Variants in LPP observed in about 807,000 individuals in gnomAD.
The protein encoded by LPP is lipoma-preferred partner.
Under a neutral mutation model 60.4 loss-of-function variants are expected in LPP, and 38 were observed. That is an observed-to-expected ratio of 0.63 (90% CI 0.49 to 0.83). LPP has a LOEUF of 0.83. Ranked by LOEUF, LPP falls within the 40% of genes least tolerant of loss-of-function variation. The pLI, the probability that LPP is intolerant of heterozygous loss-of-function variation, is 0.00. For missense variants in LPP, 902 were observed against 783.6 expected (o/e 1.15, Z -1.80); for synonymous variants, 328 against 290.8 (o/e 1.13, Z -1.30).
chr3:188,361,545 C>CCCTCCCCTCT (rs1769379609), intron 3 of LPP, among the ~76,000 whole-genome samples: 9 of 64,680 alleles, frequency 1.4e-4, no homozygotes, highest in Non-Finnish European at 2.3e-4. Flanking sequence ...TCCTCTCCTC[C>CCCTCCCCTCT]CCTCTCCTCT....
At chr3:188,206,123 G>A (rs1733138888) in intron 1 of LPP, among the ~76,000 whole-genome samples, 1 of 152,112 alleles carries the variant, frequency 6.6e-6, no homozygotes, top group African/African-American at 2.4e-5. Flanking sequence ...TTACCCCTGG[G>A]CCACTTTGTT....
chr3:188,248,036 G>C (rs560534176), intron 2 of LPP, among the ~76,000 whole-genome samples: 1 of 152,052 alleles, frequency 6.6e-6, no homozygotes, highest in Non-Finnish European at 1.5e-5. Flanking sequence ...TAAAGCTCCC[G>C]AGAGTTTAGA....
intron 7 of LPP, among the ~76,000 whole-genome samples, chr3:188,630,201 G>T (rs1458395496): frequency 6.6e-6 from 1 of 152,096 alleles, no homozygotes; most frequent in Non-Finnish European, 1.5e-5. Context: ...TAGAAAGAGA[G>T]AAAATATTTG....
chr3:188,435,022 C>G (rs558569652), intron 4 of LPP, among the ~76,000 whole-genome samples: 1 of 152,000 alleles, frequency 6.6e-6, no homozygotes, highest in Non-Finnish European at 1.5e-5. Flanking sequence ...GTATACCATG[C>G]GCACATATAA....
At chr3:188,451,784 CAG>C (rs1796640464) in intron 4 of LPP, among the ~76,000 whole-genome samples, 1 of 152,112 alleles carries the variant, frequency 6.6e-6, no homozygotes, top group African/African-American at 2.4e-5. Context: ...AATATTCAGA[CAG>C]AGAGAATAAT....
intron 7 of LPP, among the ~76,000 whole-genome samples, chr3:188,668,619 C>G (rs922497527): frequency 5.9e-5 from 9 of 152,214 alleles, no homozygotes; most frequent in Non-Finnish European, 1.2e-4. Context: ...GTTAGATCCT[C>G]AGGCTTCTCT....
chr3:188,273,826 C>T (rs1021953096), intron 2 of LPP, among the ~76,000 whole-genome samples: 6 of 151,944 alleles, frequency 3.9e-5, no homozygotes, highest in African/African-American at 1.2e-4. Context: ...AAACTCTTGA[C>T]CTCAGGTGAT....
At chr3:188,789,213 C>A (rs889641826) in intron 9 of LPP, among the ~76,000 whole-genome samples, 2 of 152,084 alleles carry the variant, frequency 1.3e-5, no homozygotes, top group African/African-American at 4.8e-5. Flanking sequence ...ACCTTTACTG[C>A]ACTGGGAAAC....
chr3:188,797,049 G>C (rs1345030861), intron 9 of LPP, among the ~76,000 whole-genome samples: 1 of 151,976 alleles, frequency 6.6e-6, no homozygotes, highest in African/African-American at 2.4e-5. Flanking sequence ...ACAACAAATT[G>C]GTTGGTTTTA....
intron 4 of LPP, among the ~76,000 whole-genome samples, chr3:188,434,331 A>C (rs969226167): frequency 6.6e-6 from 1 of 152,124 alleles, no homozygotes; most frequent in Non-Finnish European, 1.5e-5. Context: ...TTTCATATAT[A>C]GGCTCTTTAT....
intron 7 of LPP, among the ~76,000 whole-genome samples, chr3:188,673,563 A>AG (rs1303766725): frequency 3.3e-5 from 5 of 152,086 alleles, no homozygotes; most frequent in Middle Eastern, 6.3e-3. Flanking sequence ...CATTATGGGT[A>AG]GGGGGCATTT....
chr3:188,695,615 A>G (rs1863077322), intron 7 of LPP, among the ~76,000 whole-genome samples: 1 of 152,190 alleles, frequency 6.6e-6, no homozygotes, highest in Non-Finnish European at 1.5e-5. Flanking sequence ...TCCCAACTCC[A>G]TTTACAGGTG....
intron 4 of LPP, 66 bp from the exon 5 acceptor site, chr3:188,484,526 A>C: frequency 8.8e-7 from 1 of 1,136,230 alleles, no homozygotes; most frequent in Non-Finnish European, 1.3e-6. Context: ...AATGCCAGCA[A>C]ATATATCACG....
At chr3:188,563,814 C>T (rs910115819) in intron 6 of LPP, among the ~76,000 whole-genome samples, 3 of 148,916 alleles carry the variant, frequency 2.0e-5, no homozygotes, top group East Asian at 2.0e-4. Flanking sequence ...CTCATGTTAT[C>T]GACCTGGGTT....
At chr3:188,670,787 G>A (rs1013621743) in intron 7 of LPP, among the ~76,000 whole-genome samples, 4 of 152,166 alleles carry the variant, frequency 2.6e-5, no homozygotes, top group African/African-American at 9.7e-5. Flanking sequence ...TTGGAAGGAT[G>A]ACGGGAACAA....
Position 188,823,893 on chromosome 3 carries a change from C to T in LPP, c.1411-42307C>T, listed in dbSNP as rs1387188334. On this transcript the variant is annotated intron_variant, in intron 9 of 11. Coordinates refer to ENST00000617246, the MANE Select transcript of LPP (RefSeq NM_001375462.1). ...CCTATGTTTATCTTTCCCATCTCTC[C>T]GGCTTGCTTTTGTTATTACTGTTGC... is the stretch of plus-strand genomic sequence containing the variant. Among the ~76,000 whole-genome samples, 6 of 152,182 alleles carry T rather than the reference C, an allele frequency of 3.9e-5. No individual in the cohort carries two copies. The South Asian group carries it at 8.3e-4, about 21-fold the overall frequency.
intron 5 of LPP, among the ~76,000 whole-genome samples, chr3:188,513,337 T>G (rs1816371123): frequency 6.6e-6 from 1 of 152,158 alleles, no homozygotes; most frequent in African/African-American, 2.4e-5. Flanking sequence ...AACTATTAAT[T>G]TCTTAGAATT....
chr3:188,267,431 C>T (rs927699060), intron 2 of LPP, among the ~76,000 whole-genome samples: 3 of 152,172 alleles, frequency 2.0e-5, no homozygotes, highest in African/African-American at 4.8e-5. Context: ...CATGGAAACT[C>T]TTTATAAATC....
chr3:188,802,910 A>G (rs568518248), intron 9 of LPP, among the ~76,000 whole-genome samples: 1 of 152,310 alleles, frequency 6.6e-6, no homozygotes, highest in East Asian at 1.9e-4. Context: ...AAAAGAAGGA[A>G]CATTAGCAGT....
Sources: gnomAD v4.1 joint callset for allele counts (sites outside exome capture counted in the v4.1 genomes callset) on GRCh38, gnomAD v4.1.1 for gene constraint, MANE v1.5 for transcripts, NCBI Gene and HGNC (gene_info 2026-07-23, HGNC 2026-07-21) for gene names.